The following WDR7 variants were observed in gnomAD, a reference collection of about 807,000 sequenced individuals.
WDR7 encodes WD repeat domain 7, also known as WD repeat-containing protein 7.
WDR7 carries 46 observed loss-of-function variants against 169.4 expected under a neutral mutation model. The observed-to-expected ratio is 0.27, with a 90% confidence interval of 0.21 to 0.35. The LOEUF is 0.35. Ranked by LOEUF, WDR7 falls within the 10% of genes least tolerant of loss-of-function variation. The pLI is 1.00. For missense variants in WDR7, 1,534 were observed against 1,859.3 expected (o/e 0.83, Z 3.22); for synonymous variants, 612 against 666.8 (o/e 0.92, Z 1.27).
intron 14 of WDR7, among the ~76,000 whole-genome samples, chr18:56,755,151 G>T (rs9963412): frequency 6.7e-6 from 1 of 149,600 alleles, no homozygotes; most frequent in Non-Finnish European, 1.5e-5. Context: ...GTTTGTATCT[G>T]TTACAACTCT....
Position 56,923,962 on chromosome 18 carries a change from C to T in WDR7, c.3567C>T (p.Pro1189=). The change falls in exon 22 of 28, where the codon CCC becomes CCT. Residue 1189 remains proline (P), a synonymous_variant. Transcript: ENST00000254442. ...LTFLLLQPPS[P]KLPPHSTIRR... ...TTCTTCTGCTACAGCCTCCAAGCCC[C>T]AAACTTCCTCCACACAGCACTATCC... 6.3e-7 allele frequency: 1 copy of T among 1,586,806 alleles called. No homozygotes were observed.
At chr18:56,949,155 T>TC (rs879383199) in intron 25 of WDR7, among the ~76,000 whole-genome samples, 5,192 of 151,844 alleles carry the variant, frequency 0.034, 314 homozygotes, top group African/African-American at 0.12. Context: ...TCTCTCTCTC[T>TC]TTCCCTTTGG....
At chr18:56,711,183 C>T (rs2026079202) in intron 12 of WDR7, among the ~76,000 whole-genome samples, 1 of 151,416 alleles carries the variant, frequency 6.6e-6, no homozygotes, top group South Asian at 2.1e-4. Flanking sequence ...TTAACCTACA[C>T]GTATTTTCAG....
intron 14 of WDR7, among the ~76,000 whole-genome samples, chr18:56,732,154 C>T (rs2026600761): frequency 6.6e-6 from 1 of 152,166 alleles, no homozygotes; most frequent in African/African-American, 2.4e-5. Flanking sequence ...TAAGTTACTT[C>T]TTCAGTTAAC....
At chr18:56,914,718 CT>C (rs1182568795) in intron 21 of WDR7, among the ~76,000 whole-genome samples, 2 of 152,176 alleles carry the variant, frequency 1.3e-5, no homozygotes, top group Non-Finnish European at 2.9e-5. Context: ...TGCTGATCCC[CT>C]GACCATCAAA....
At chr18:56,773,382 C>G (rs1241756766) in intron 16 of WDR7, among the ~76,000 whole-genome samples, 2 of 150,900 alleles carry the variant, frequency 1.3e-5, no homozygotes, top group African/African-American at 4.9e-5. Context: ...TATTTGTTTT[C>G]AAACCTTCTA....
chr18:56,668,968 A>G (rs1568127197), intron 1 of WDR7, among the ~76,000 whole-genome samples: 1 of 151,856 alleles, frequency 6.6e-6, no homozygotes, highest in South Asian at 2.1e-4. Context: ...GTTGCATTAC[A>G]TATATGGTCG....
chr18:57,022,415 A>G (rs888765107), intron 27 of WDR7, among the ~76,000 whole-genome samples: 5 of 152,228 alleles, frequency 3.3e-5, no homozygotes, highest in Non-Finnish European at 7.3e-5. Flanking sequence ...TTAGAGACAC[A>G]GAGATCAGTA....
chr18:56,663,819 C>T (rs564210745), intron 1 of WDR7, among the ~76,000 whole-genome samples: 31 of 151,288 alleles, frequency 2.0e-4, no homozygotes, highest in African/African-American at 5.6e-4. Flanking sequence ...AGGAATCACA[C>T]GGAGAAAGGT....
rs565375291 is a variant in WDR7 at position 56,743,918 on chromosome 18, G to A, written c.1989+12321G>A. Among the ~76,000 whole-genome samples the A allele has an allele frequency of 3.9e-5, 6 of 152,254 alleles. No individual in the cohort carries two copies. The East Asian group carries it at 1.2e-3, about 30-fold the overall frequency. ...GGGAAGGAAGGCAGTTGGCCTTGAT[G>A]TGGAGGAGGAAAACCTTATTTCTGA... On this transcript the variant is annotated intron_variant, in intron 14 of 27. Transcript: ENST00000254442.
chr18:56,869,254 A>G (rs1249319313), intron 20 of WDR7, among the ~76,000 whole-genome samples: 1 of 152,162 alleles, frequency 6.6e-6, no homozygotes, highest in African/African-American at 2.4e-5. Flanking sequence ...CTATTTTGTC[A>G]ACTGCACACA....
intron 13 of WDR7, among the ~76,000 whole-genome samples, chr18:56,723,295 T>C (rs538190698): frequency 7.9e-5 from 12 of 152,244 alleles, no homozygotes; most frequent in African/African-American, 2.9e-4. Flanking sequence ...TATTTACTTA[T>C]GTAGTCACCA....
At chr18:56,676,720 T>C (rs1396399862) in intron 2 of WDR7, among the ~76,000 whole-genome samples, 1 of 152,012 alleles carries the variant, frequency 6.6e-6, no homozygotes, top group African/African-American at 2.4e-5. Flanking sequence ...TTTTTTGGTT[T>C]TTTTTTTGGG....
At chr18:56,881,327 T>A (rs2046105451) in intron 21 of WDR7, among the ~76,000 whole-genome samples, 1 of 151,164 alleles carries the variant, frequency 6.6e-6, no homozygotes, top group Non-Finnish European at 1.5e-5. Flanking sequence ...ATGAGCACTA[T>A]TTTTTTTTAG....
In WDR7 at chr18:57,022,437, C is replaced by T. The variant is rs560925381; in HGVS notation, c.4269+1588C>T. Among the ~76,000 whole-genome samples the T allele has an allele frequency of 3.9e-5, 6 of 152,252 alleles. No homozygotes were observed. The East Asian group carries it at 7.7e-4, about 20-fold the overall frequency. ...CACAGAGATCAGTAAGTCATGGGTC[C>T]GTGCTTGCCAGAAACCTGTGTTCTG... On this transcript the variant is annotated intron_variant, in intron 27 of 27. Transcript: ENST00000254442.
chr18:56,821,519 A>C (rs2045095964), intron 20 of WDR7, among the ~76,000 whole-genome samples: 1 of 152,166 alleles, frequency 6.6e-6, no homozygotes, highest in South Asian at 2.1e-4. Context: ...GTAACACATT[A>C]AACTTTGGAA....
chr18:56,818,769 A>T (rs187484187), intron 20 of WDR7, among the ~76,000 whole-genome samples: 13 of 152,258 alleles, frequency 8.5e-5, no homozygotes, highest in African/African-American at 3.1e-4. Context: ...CAAGCACAAT[A>T]ATCTTGTTTT....
chr18:56,704,843 C>T (rs966121655), intron 12 of WDR7, among the ~76,000 whole-genome samples: 3 of 152,092 alleles, frequency 2.0e-5, no homozygotes, highest in Non-Finnish European at 4.4e-5. Context: ...TAATAATGGT[C>T]AGAAGTGATT....
At chr18:56,653,621 T>C (rs1048768592) in intron 1 of WDR7, among the ~76,000 whole-genome samples, 1 of 152,228 alleles carries the variant, frequency 6.6e-6, no homozygotes, top group Non-Finnish European at 1.5e-5. Flanking sequence ...AAATGTATAT[T>C]GTTCTGGGTG....
Sources: allele counts gnomAD v4.1 joint callset (sites outside exome capture counted in the v4.1 genomes callset), GRCh38; gene constraint gnomAD v4.1.1; transcripts MANE v1.5; gene names NCBI Gene and HGNC (gene_info 2026-07-23, HGNC 2026-07-21).